The following KPNA4 variants were observed in gnomAD, a reference collection of about 807,000 sequenced individuals.
The protein encoded by KPNA4 is karyopherin subunit alpha 4.
KPNA4 carries 13 observed loss-of-function variants against 71.3 expected under a neutral mutation model. The observed-to-expected ratio is 0.18, with a 90% confidence interval of 0.12 to 0.29. The LOEUF (loss-of-function observed/expected upper bound fraction) is 0.29, where lower values mean the gene tolerates loss of function less well. Ranked by LOEUF, KPNA4 falls within the 10% of genes least tolerant of loss-of-function variation. KPNA4 has a pLI of 1.00. For synonymous variants in KPNA4, 189 were observed against 195.2 expected, an observed-to-expected ratio of 0.97 and a Z score of 0.26; for missense variants, 334 against 603.2, an observed-to-expected ratio of 0.55 and a Z score of 4.67.
chr3:160,504,136 T>C (rs919544684), intron 16 of KPNA4, among the ~76,000 whole-genome samples: 5 of 152,232 alleles, frequency 3.3e-5, no homozygotes, highest in African/African-American at 4.8e-5. Context: ...ACTGGCATTA[T>C]ATTCTAAATA....
intron 1 of KPNA4, among the ~76,000 whole-genome samples, chr3:160,564,928 C>T (rs1722311954): frequency 6.8e-6 from 1 of 146,730 alleles, no homozygotes; most frequent in South Asian, 2.1e-4. Context: ...CGCCCGGCCT[C>T]CCCGCCGCGC....
intron 2 of KPNA4, among the ~76,000 whole-genome samples, chr3:160,536,251 A>G (rs1721691270): frequency 6.6e-6 from 1 of 152,162 alleles, no homozygotes; most frequent in Admixed American, 6.5e-5. Context: ...TTTATACATG[A>G]TCTGGGAGCT....
intron 5 of KPNA4, among the ~76,000 whole-genome samples, chr3:160,532,731 G>A (rs756799768): frequency 6.6e-6 from 1 of 152,088 alleles, no homozygotes; most frequent in Non-Finnish European, 1.5e-5. Context: ...TGTGATGGCT[G>A]CTTATTTACT....
intron 1 of KPNA4, among the ~76,000 whole-genome samples, chr3:160,564,984 C>T (rs1722314461): frequency 6.7e-6 from 1 of 148,770 alleles, no homozygotes; most frequent in Non-Finnish European, 1.5e-5. Context: ...GCCGGGCAGG[C>T]CTAGGCCGCG....
At chr3:160,560,932 T>C (rs143733218) in intron 1 of KPNA4, among the ~76,000 whole-genome samples, 231 of 152,214 alleles carry the variant, frequency 1.5e-3, no homozygotes, top group Middle Eastern at 3.4e-3. Context: ...GATCAGTCTC[T>C]AAAAGTTAAC....
rs376863560 is a variant in KPNA4 at position 160,510,472 on chromosome 3, A to G, written c.1138-601T>C. ...AAAGTAAAAACAACTAAAATTCTCA[A>G]TAAGCATAATTGTCTAATTATGGTA... On this transcript the variant is annotated intron_variant, in intron 13 of 16. Coordinates refer to ENST00000334256, the MANE Select transcript of KPNA4 (RefSeq NM_002268.5). Among the ~76,000 whole-genome samples the G allele has an allele frequency of 2.0e-5, 3 of 152,312 alleles. No individual in the cohort carries two copies. The East Asian group carries it at 5.8e-4, about 29-fold the overall frequency.
chr3:160,518,084 G>T (rs1259858529), intron 11 of KPNA4, among the ~76,000 whole-genome samples: 3 of 149,596 alleles, frequency 2.0e-5, no homozygotes, highest in Non-Finnish European at 4.4e-5. Flanking sequence ...CTTCTAAGAG[G>T]TTTAAATTTA....
chr3:160,554,565 CG>C (rs949141826), intron 1 of KPNA4, among the ~76,000 whole-genome samples: 2 of 152,008 alleles, frequency 1.3e-5, no homozygotes, highest in South Asian at 4.2e-4. Context: ...ACTGGTGACT[CG>C]GGGGGGCCCT....
intron 8 of KPNA4, among the ~76,000 whole-genome samples, chr3:160,527,487 T>C (rs1721480486): frequency 1.3e-5 from 2 of 152,232 alleles, no homozygotes; most frequent in African/African-American, 2.4e-5. Context: ...TACTAAATTC[T>C]AATGTACTGA....
rs1577042275 is a variant in KPNA4, at chr3:160,499,907, T to C, written c.*2197A>G. Reference sequence around the variant, plus strand: ...AATACTCAAAATATAGTTCAAGTTGTCTCGGTCTGTTTTACTGGAGAATGA... The same window carrying C: ...AATACTCAAAATATAGTTCAAGTTGCCTCGGTCTGTTTTACTGGAGAATGA... On this transcript the variant is annotated 3_prime_UTR_variant, in exon 17 of 17. Coordinates refer to ENST00000334256, the MANE Select transcript of KPNA4 (RefSeq NM_002268.5). 2 of 152,136 alleles carry C rather than the reference T, an allele frequency of 1.3e-5. No individual in the cohort carries two copies. The highest frequency in any genetic ancestry group is 1.9e-4 in the East Asian group (1 of 5,198). The allele number at this position is 152,136 out of a possible 1,614,324, so 9.4% of individuals were successfully genotyped here.
chr3:160,525,277 A>C (rs1257597546), intron 10 of KPNA4, among the ~76,000 whole-genome samples: 1 of 152,248 alleles, frequency 6.6e-6, no homozygotes, highest in Admixed American at 6.5e-5. Flanking sequence ...TAGAATAAAA[A>C]TGGAATTAAA....
At chr3:160,522,704 C>A (rs907609378) in intron 10 of KPNA4, among the ~76,000 whole-genome samples, 1 of 152,136 alleles carries the variant, frequency 6.6e-6, no homozygotes, top group Non-Finnish European at 1.5e-5. Flanking sequence ...ATGATCCGCC[C>A]GCCTCGGCCT....
chr3:160,514,801 T>C, intron 12 of KPNA4: 1 of 392,372 alleles, frequency 2.5e-6, no homozygotes, highest in East Asian at 6.6e-5. Context: ...TCACAGTTGG[T>C]GCTACTTTTG....
chr3:160,560,976 G>A (rs1020250070), intron 1 of KPNA4, among the ~76,000 whole-genome samples: 2 of 151,796 alleles, frequency 1.3e-5, no homozygotes, highest in African/African-American at 4.8e-5. Flanking sequence ...TTTTCACTCT[G>A]TACACTTTAA....
intron 10 of KPNA4, among the ~76,000 whole-genome samples, chr3:160,523,404 G>A (rs1721396247): frequency 6.6e-6 from 1 of 151,690 alleles, no homozygotes; most frequent in Non-Finnish European, 1.5e-5. Context: ...TTATGCTTAG[G>A]ACACCCAAGA....
intron 1 of KPNA4, among the ~76,000 whole-genome samples, chr3:160,562,159 C>A (rs1357831268): frequency 6.6e-6 from 1 of 152,148 alleles, no homozygotes; most frequent in Non-Finnish European, 1.5e-5. Flanking sequence ...AAGGTAGCCA[C>A]TAACCACATG....
chr3:160,511,712 T>TATATA (rs1452489462), intron 13 of KPNA4, among the ~76,000 whole-genome samples: 1 of 106,706 alleles, frequency 9.4e-6, no homozygotes, highest in Non-Finnish European at 2.2e-5. Context: ...GCTTTGTTAT[T>TATATA]TTTATATATA....
chr3:160,562,547 A>G (rs1379389028), intron 1 of KPNA4, among the ~76,000 whole-genome samples: 2 of 152,214 alleles, frequency 1.3e-5, no homozygotes, highest in Admixed American at 1.3e-4. Flanking sequence ...GATAGACCAG[A>G]TATGTAAGTA....
At position 160,535,800 on chromosome 3, in the gene KPNA4, T is replaced by G; in HGVS notation, c.204+8A>C. 1 of 1,552,442 alleles carries G rather than the reference T, an allele frequency of 6.4e-7. No homozygotes were observed. Among genetic ancestry groups the G allele is most frequent in the Non-Finnish European group, 8.6e-7 (1 of 1,160,022 alleles). On this transcript the variant is annotated splice_region_variant and intron_variant, in intron 3 of 16. Transcript: ENST00000334256. ...TAAGTTACCAGAATAACAATAACAATGACTTACCACTCTATAATCACCATC... is the reference window on the plus strand; with the variant it reads ...TAAGTTACCAGAATAACAATAACAAGGACTTACCACTCTATAATCACCATC...
Sources: gnomAD v4.1 joint callset for allele counts (sites outside exome capture counted in the v4.1 genomes callset) on GRCh38, gnomAD v4.1.1 for gene constraint, MANE v1.5 for transcripts, NCBI Gene and HGNC (gene_info 2026-07-23, HGNC 2026-07-21) for gene names.